Variants in SYT10 observed in about 807,000 individuals in gnomAD.
The protein encoded by SYT10 is synaptotagmin 10.
SYT10 carries 31 observed loss-of-function variants against 51.1 expected under a neutral mutation model. The ratio of observed to expected loss-of-function variants is 0.61; its 90% CI spans 0.46 to 0.82. The LOEUF is 0.82. Among genes scored for constraint, SYT10 ranks in the 40% least tolerant of loss-of-function variants. The pLI is 0.00. For missense variants in SYT10, 603 were observed against 634.0 expected (o/e 0.95, Z 0.53); for synonymous variants, 233 against 225.9 (o/e 1.03, Z -0.28).
At chr12:33,423,851 T>C in intron 2 of SYT10, 1 of 427,214 alleles carries the variant, frequency 2.3e-6, no homozygotes, top group East Asian at 7.1e-5. Flanking sequence ...AGGCAAATTT[T>C]TAAATCTCTC....
Position 33,382,361 on chromosome 12 carries a change from A to G in SYT10, c.1358T>C (p.Met453Thr). The G allele has an allele frequency of 6.2e-7, 1 of 1,605,356 alleles. No individual in the cohort carries two copies. The highest frequency in any genetic ancestry group is 8.5e-7 in the Non-Finnish European group (1 of 1,176,242). Residue 453 changes from methionine to threonine, a missense_variant, in exon 5 of 7, where the codon ATG (methionine) becomes ACG (threonine). By Grantham distance (81) the Met-to-Thr change is moderately conservative. Coordinates refer to ENST00000228567, the MANE Select transcript of SYT10 (RefSeq NM_198992.4). ...GAGATACACATACCTATCGTAATCCATGACCGCAATGGAGAGGCTGACCTG... is the reference window on the plus strand; with the variant it reads ...GAGATACACATACCTATCGTAATCCGTGACCGCAATGGAGAGGCTGACCTG... The part of the protein sequence containing the change: ...VDQVSLSIAV[M>T]DYDRVGHNEV...
intron 2 of SYT10, 152 bp downstream of exon 2, chr12:33,425,986 T>C: frequency 1.3e-6 from 1 of 778,348 alleles, no homozygotes. Context: ...TTTATTTAAT[T>C]ATCTATTTCC....
At chr12:33,433,110 T>A (rs1339555209) in intron 1 of SYT10, among the ~76,000 whole-genome samples, 1 of 152,144 alleles carries the variant, frequency 6.6e-6, no homozygotes, top group South Asian at 2.1e-4. Flanking sequence ...AGAAGCCATC[T>A]CTTTAGTCAG....
At position 33,385,179 on chromosome 12, in the gene SYT10, C is replaced by G. The variant is rs1202278069; in HGVS notation, c.1190G>C (p.Gly397Ala). Reference protein sequence around the residue: ...CRNLKAMDITGSSDPYVKVSL... With the variant: ...CRNLKAMDITASSDPYVKVSL... ...GGCCATTGTGTACATACCTGATGAG[C>G]CAGTAATATCCATCGCCTTCAGATT... The change falls in exon 4 of 7, where the codon GGC becomes GCC. Residue 397 changes from glycine (G) to alanine (A), a missense_variant. Coordinates refer to ENST00000228567, the MANE Select transcript of SYT10 (RefSeq NM_198992.4). 2 of 1,613,414 alleles carry G rather than the reference C, an allele frequency of 1.2e-6. No individual in the cohort carries two copies. The highest frequency in any genetic ancestry group is 1.7e-6 in the Non-Finnish European group (2 of 1,179,706).
intron 1 of SYT10, among the ~76,000 whole-genome samples, chr12:33,438,555 C>T (rs1213195276): frequency 6.6e-6 from 1 of 152,112 alleles, no homozygotes; most frequent in Non-Finnish European, 1.5e-5. Flanking sequence ...AGACTTTTTT[C>T]CATCTCCAGA....
chr12:33,416,336 G>A (rs1866453615), intron 2 of SYT10, among the ~76,000 whole-genome samples: 2 of 151,948 alleles, frequency 1.3e-5, no homozygotes, highest in Admixed American at 6.6e-5. Context: ...ACCCACCTCA[G>A]CCTCCCAAAG....
intron 2 of SYT10, among the ~76,000 whole-genome samples, chr12:33,417,353 A>G (rs1866463446): frequency 6.6e-6 from 1 of 152,150 alleles, no homozygotes; most frequent in Non-Finnish European, 1.5e-5. Context: ...GAGCTGAGCT[A>G]GCATATTAGC....
At chr12:33,390,379 G>A (rs1475495409) in intron 3 of SYT10, among the ~76,000 whole-genome samples, 1 of 152,136 alleles carries the variant, frequency 6.6e-6, no homozygotes, top group African/African-American at 2.4e-5. Context: ...TCATTTATAC[G>A]ATCTTCTGGC....
At chr12:33,434,455 T>C (rs1046982671) in intron 1 of SYT10, among the ~76,000 whole-genome samples, 1 of 152,202 alleles carries the variant, frequency 6.6e-6, no homozygotes, top group African/African-American at 2.4e-5. Context: ...ATCTTACAAA[T>C]AATAAAGTTG....
intron 3 of SYT10, among the ~76,000 whole-genome samples, chr12:33,395,100 CAAACA>C (rs1414251332): frequency 2.0e-5 from 3 of 152,130 alleles, no homozygotes; most frequent in Admixed American, 2.0e-4. Context: ...AACAAACAAA[CAAACA>C]AAACAAAACA....
chr12:33,422,870 A>G (rs763317208), intron 2 of SYT10, among the ~76,000 whole-genome samples: 6 of 152,108 alleles, frequency 3.9e-5, no homozygotes, highest in Non-Finnish European at 8.8e-5. Context: ...TCTCCACATT[A>G]TATTATAAAT....
intron 4 of SYT10, among the ~76,000 whole-genome samples, chr12:33,384,434 CTA>C (rs1006498248): frequency 6.6e-6 from 1 of 152,064 alleles, no homozygotes; most frequent in African/African-American, 2.4e-5. Context: ...ATTTCCACCA[CTA>C]TTTCTTATTT....
chr12:33,383,291 C>T (rs1291071871), intron 4 of SYT10, among the ~76,000 whole-genome samples: 3 of 143,338 alleles, frequency 2.1e-5, no homozygotes, highest in Non-Finnish European at 4.7e-5. Context: ...TGTTTGCTAT[C>T]AATTTTTTTT....
intron 2 of SYT10, among the ~76,000 whole-genome samples, chr12:33,425,687 T>C (rs10772082): frequency 0.13 from 20,293 of 152,194 alleles, 1,580 homozygotes; most frequent in African/African-American, 0.19. Context: ...TTAGTTGTGA[T>C]TGTGAAATTC....
At chr12:33,435,668 A>T (rs1866632591) in intron 1 of SYT10, among the ~76,000 whole-genome samples, 2 of 152,210 alleles carry the variant, frequency 1.3e-5, no homozygotes, top group Admixed American at 1.3e-4. Context: ...TATGGTGATT[A>T]AAAAATGATA....
chr12:33,400,596 T>C (rs1277503518), intron 3 of SYT10, among the ~76,000 whole-genome samples: 2 of 151,898 alleles, frequency 1.3e-5, no homozygotes, highest in Non-Finnish European at 2.9e-5. Flanking sequence ...AAAATTTCAT[T>C]GAATAGGTAA....
At chr12:33,419,734 A>C (rs901568909) in intron 2 of SYT10, among the ~76,000 whole-genome samples, 1 of 152,244 alleles carries the variant, frequency 6.6e-6, no homozygotes, top group Admixed American at 6.5e-5. Flanking sequence ...CTTTTGATCT[A>C]GCATATATTT....
At chr12:33,431,622 T>C (rs1329935417) in intron 1 of SYT10, among the ~76,000 whole-genome samples, 1 of 152,130 alleles carries the variant, frequency 6.6e-6, no homozygotes, top group Non-Finnish European at 1.5e-5. Context: ...CAGAATGTTA[T>C]CTTAGTATTG....
intron 2 of SYT10, among the ~76,000 whole-genome samples, chr12:33,412,911 A>G: frequency 6.6e-6 from 1 of 152,128 alleles, no homozygotes; most frequent in Non-Finnish European, 1.5e-5. Flanking sequence ...GTTCGAACCC[A>G]TCCAAAAAAA....
Sources: allele counts gnomAD v4.1 joint callset (sites outside exome capture counted in the v4.1 genomes callset), GRCh38; gene constraint gnomAD v4.1.1; transcripts MANE v1.5; gene names NCBI Gene and HGNC (gene_info 2026-07-23, HGNC 2026-07-21).